Variants in ST18 observed in about 807,000 individuals in gnomAD.
ST18 encodes the protein suppression of tumorigenicity 18 protein.
Under a neutral mutation model 110.0 loss-of-function variants are expected in ST18, and 50 were observed. That is an observed-to-expected ratio of 0.45 (90% CI 0.36 to 0.58). The LOEUF (loss-of-function observed/expected upper bound fraction) is 0.58, where lower values mean the gene tolerates loss of function less well. Ranked by LOEUF, ST18 falls within the 20% of genes least tolerant of loss-of-function variation. The pLI is 0.00. For missense variants in ST18, 1,306 were observed against 1,280.1 expected (o/e 1.02, Z -0.31); for synonymous variants, 461 against 452.4 (o/e 1.02, Z -0.24).
intron 2 of ST18, among the ~76,000 whole-genome samples, chr8:52,346,416 T>C (rs75928478): frequency 8.2e-4 from 125 of 152,000 alleles, no homozygotes; most frequent in Middle Eastern, 3.4e-3. Context: ...CTTGAAAAAC[T>C]GAGAAAGTAG....
intron 9 of ST18, among the ~76,000 whole-genome samples, chr8:52,176,456 G>A (rs955386421): frequency 1.8e-4 from 27 of 152,312 alleles, no homozygotes; most frequent in African/African-American, 5.8e-4. Context: ...GTCAAAAAAT[G>A]TCTAGGGTCA....
At chr8:52,399,851 T>C (rs1175547845) in intron 2 of ST18, among the ~76,000 whole-genome samples, 3 of 152,064 alleles carry the variant, frequency 2.0e-5, no homozygotes, top group African/African-American at 7.2e-5. Context: ...TGAAGAATGT[T>C]CTATGTGCAC....
chr8:52,205,719 C>T (rs919485037), intron 8 of ST18, among the ~76,000 whole-genome samples: 3 of 152,090 alleles, frequency 2.0e-5, no homozygotes, highest in African/African-American at 7.2e-5. Context: ...AGGTGCGTGC[C>T]ACCACCCCTG....
At chr8:52,329,873 A>G (rs16917695) in intron 2 of ST18, among the ~76,000 whole-genome samples, 23,845 of 152,056 alleles carry the variant, frequency 0.16, 2,107 homozygotes, top group African/African-American at 0.25. Context: ...AAATATCACT[A>G]CCTCCCCTTC....
At chr8:52,392,650 C>T (rs1229030588) in intron 2 of ST18, among the ~76,000 whole-genome samples, 2 of 152,234 alleles carry the variant, frequency 1.3e-5, no homozygotes, top group African/African-American at 4.8e-5. Flanking sequence ...AACAGTTTTA[C>T]GGAAAGTACA....
At chr8:52,218,971 T>C (rs1260699508) in intron 5 of ST18, among the ~76,000 whole-genome samples, 1 of 152,030 alleles carries the variant, frequency 6.6e-6, no homozygotes, top group East Asian at 1.9e-4. Context: ...AAAAATCACG[T>C]TTTTTAAAAA....
chr8:52,163,863 C>T, intron 13 of ST18, 123 bp downstream of exon 13: 3 of 665,882 alleles, frequency 4.5e-6, no homozygotes, highest in Non-Finnish European at 7.8e-6. Flanking sequence ...GCTGCACACC[C>T]AGGTCTACTG....
At chr8:52,396,318 A>G (rs899981780) in intron 2 of ST18, among the ~76,000 whole-genome samples, 2 of 152,010 alleles carry the variant, frequency 1.3e-5, no homozygotes, top group Admixed American at 6.6e-5. Flanking sequence ...AGTAACCACT[A>G]GTTTATTCTT....
intron 2 of ST18, among the ~76,000 whole-genome samples, chr8:52,233,774 T>C (rs1015017361): frequency 1.3e-5 from 2 of 152,222 alleles, no homozygotes; most frequent in Admixed American, 1.3e-4. Context: ...TGTGGCAAAT[T>C]ACTGAGGGAA....
At chr8:52,334,101 C>A (rs1017637262) in intron 2 of ST18, among the ~76,000 whole-genome samples, 1 of 152,148 alleles carries the variant, frequency 6.6e-6, no homozygotes, top group African/African-American at 2.4e-5. Flanking sequence ...TACATTTAAA[C>A]CTTTGTTTTA....
At chr8:52,265,269 G>C (rs2094830359) in intron 2 of ST18, among the ~76,000 whole-genome samples, 1 of 152,218 alleles carries the variant, frequency 6.6e-6, no homozygotes, top group Admixed American at 6.5e-5. Flanking sequence ...GGTGAACAAT[G>C]GGGAGAAGAG....
At chr8:52,328,215 C>A (rs1194768646) in intron 2 of ST18, among the ~76,000 whole-genome samples, 1 of 152,158 alleles carries the variant, frequency 6.6e-6, no homozygotes, top group Non-Finnish European at 1.5e-5. Flanking sequence ...AATAGTTTTC[C>A]TGCCTCCTAA....
chr8:52,352,269 G>C (rs1303173590), intron 2 of ST18, among the ~76,000 whole-genome samples: 1 of 152,142 alleles, frequency 6.6e-6, no homozygotes, highest in African/African-American at 2.4e-5. Flanking sequence ...ACTTGGCGCG[G>C]ACAAGACCAC....
At chr8:52,357,682 T>TATAC in intron 2 of ST18, among the ~76,000 whole-genome samples, 1 of 22,896 alleles carries the variant, frequency 4.4e-5, no homozygotes, top group South Asian at 1.5e-3. Context: ...TATAAATATA[T>TATAC]ATATATATAT....
At chr8:52,136,691 A>G in intron 18 of ST18, 33 bp from the exon 19 acceptor site, 1 of 1,553,214 alleles carries the variant, frequency 6.4e-7, no homozygotes, top group Non-Finnish European at 8.8e-7. Flanking sequence ...ACACAACACA[A>G]CACTGACATA....
At chr8:52,147,411 G>A (rs531978084) in intron 16 of ST18, among the ~76,000 whole-genome samples, 1 of 152,266 alleles carries the variant, frequency 6.6e-6, no homozygotes, top group East Asian at 1.9e-4. Context: ...AGAATCTGAA[G>A]AGTGCAATGT....
chr8:52,161,916 G>T (rs1210289240), intron 13 of ST18, among the ~76,000 whole-genome samples: 1 of 152,294 alleles, frequency 6.6e-6, no homozygotes, highest in East Asian at 1.9e-4. Context: ...GTTCTTAAAG[G>T]AAATCCATGT....
intron 2 of ST18, among the ~76,000 whole-genome samples, chr8:52,234,552 C>A (rs1282047701): frequency 6.6e-6 from 1 of 152,114 alleles, no homozygotes; most frequent in Non-Finnish European, 1.5e-5. Flanking sequence ...CCACGCCCTG[C>A]CAGAACTACC....
chr8:52,394,493 T>TC (rs546228601), intron 2 of ST18, among the ~76,000 whole-genome samples: 95 of 152,304 alleles, frequency 6.2e-4, no homozygotes, highest in South Asian at 4.4e-3. Flanking sequence ...TGCTCAGACT[T>TC]CCCATCCTCT....
Sources: gnomAD v4.1 joint callset for allele counts (sites outside exome capture counted in the v4.1 genomes callset) on GRCh38, gnomAD v4.1.1 for gene constraint, MANE v1.5 for transcripts, NCBI Gene and HGNC (gene_info 2026-07-23, HGNC 2026-07-21) for gene names.